NFATC3: variants seen among roughly 807,000 people sequenced by gnomAD.
NFATC3 encodes nuclear factor of activated T cells 3.
In NFATC3, 46 loss-of-function variants were observed where a neutral mutation model predicts 98.6. The ratio of observed to expected loss-of-function variants is 0.47; its 90% CI spans 0.37 to 0.60. The LOEUF (loss-of-function observed/expected upper bound fraction) is 0.60, where lower values mean the gene tolerates loss of function less well. NFATC3 is among the 20% of genes least tolerant of loss of function. The probability of loss-of-function intolerance (pLI) is 0.00; values close to 1 mark genes in which losing one functional copy is unlikely to be tolerated. For missense variants in NFATC3, 1,256 were observed against 1,295.5 expected, an observed-to-expected ratio of 0.97 and a Z score of 0.47; for synonymous variants, 512 against 472.2, an observed-to-expected ratio of 1.08 and a Z score of -1.09.
chr16:68,086,778 G>GCCGC, intron 1 of NFATC3: 1 of 985,384 alleles, frequency 1.0e-6, no homozygotes, highest in Non-Finnish European at 1.2e-6. Flanking sequence ...CTGAACGTGA[G>GCCGC]GCATGAGGAT....
chr16:68,155,382 G>T (rs1389040205), intron 3 of NFATC3, among the ~76,000 whole-genome samples: 4 of 152,156 alleles, frequency 2.6e-5, no homozygotes, highest in Non-Finnish European at 5.9e-5. Context: ...GCTGAAAGAA[G>T]TCTCTCCAAG....
intron 3 of NFATC3, among the ~76,000 whole-genome samples, chr16:68,141,272 A>G (rs941147541): frequency 6.6e-6 from 1 of 152,174 alleles, no homozygotes; most frequent in African/African-American, 2.4e-5. Flanking sequence ...TAATGTATGT[A>G]TGCAGGTGTC....
At chr16:68,203,749 T>C (rs1478326927) in intron 9 of NFATC3, among the ~76,000 whole-genome samples, 1 of 152,026 alleles carries the variant, frequency 6.6e-6, no homozygotes, top group Non-Finnish European at 1.5e-5. Context: ...CCTCAAAATG[T>C]GTATTTAAAA....
intron 1 of NFATC3, among the ~76,000 whole-genome samples, chr16:68,104,647 C>T (rs916541305): frequency 1.5e-5 from 2 of 132,280 alleles, no homozygotes; most frequent in African/African-American, 3.1e-5. Context: ...GGGCTTTTCA[C>T]AAATGGTTTT....
intron 1 of NFATC3, among the ~76,000 whole-genome samples, chr16:68,111,494 T>C (rs2035944328): frequency 6.6e-6 from 1 of 152,226 alleles, no homozygotes; most frequent in South Asian, 2.1e-4. Flanking sequence ...CCTCCATCTC[T>C]TTATTTTGAG....
At chr16:68,110,571 C>T (rs1217817080) in intron 1 of NFATC3, among the ~76,000 whole-genome samples, 1 of 152,046 alleles carries the variant, frequency 6.6e-6, no homozygotes, top group African/African-American at 2.4e-5. Flanking sequence ...GCCTCAGCCT[C>T]CCAAAGTGCT....
At chr16:68,121,142 A>G (rs1378556510) in intron 1 of NFATC3, among the ~76,000 whole-genome samples, 1 of 150,390 alleles carries the variant, frequency 6.6e-6, no homozygotes, top group Non-Finnish European at 1.5e-5. Context: ...AGCATTTTGG[A>G]TAAGGGATAT....
chr16:68,088,322 A>G (rs1111188), intron 1 of NFATC3, among the ~76,000 whole-genome samples: 2 of 147,098 alleles, frequency 1.4e-5, no homozygotes, highest in Non-Finnish European at 3.0e-5. Flanking sequence ...CATAGTAGGC[A>G]CTATATATAT....
chr16:68,183,278 A>G lies in NFATC3; in HGVS notation c.2010A>G (p.Pro670=). ...IVLEVPPYHN[P]AVTAAVQVHF... is the part of the protein sequence containing the mutation. ...TTGAAGTTCCTCCATATCATAACCC[A>G]GCAGTTACAGCTGCAGTGCAGGTGC... Residue 670 remains proline (P), a synonymous_variant, in exon 8 of 10, where the codon CCA becomes CCG. Transcript: ENST00000346183. 1 of 1,605,984 alleles carries G rather than the reference A, an allele frequency of 6.2e-7. No individual in the cohort carries two copies. The highest frequency in any genetic ancestry group is 2.2e-5 in the East Asian group (1 of 44,838).
Position 68,190,890 on chromosome 16 carries a change from C to T in NFATC3, c.2221C>T (p.Leu741=). The change falls in exon 9 of 10, where the codon CTG becomes TTG. Residue 741 remains leucine (L), a synonymous_variant. Coordinates refer to ENST00000346183, the MANE Select transcript of NFATC3 (RefSeq NM_173165.3). The stretch of plus-strand genomic sequence containing the variant: ...TTCAGGGTGTTCACATGACAGTGTA[C>T]TGTCAGGACAGAGAAGTTTGATTTG... ...SDSGCSHDSV[L]SGQRSLICSI... 1 of 1,614,214 alleles carries T rather than the reference C, an allele frequency of 6.2e-7. No homozygotes were observed. The highest frequency in any genetic ancestry group is 8.5e-7 in the Non-Finnish European group (1 of 1,180,052).
chr16:68,110,652 C>T lies in NFATC3; in HGVS notation c.104-11335C>T, dbSNP rs147158193. On this transcript the variant is annotated intron_variant, in intron 1 of 9. Coordinates refer to ENST00000346183, the MANE Select transcript of NFATC3 (RefSeq NM_173165.3). ...TAAGGGTTTTTTTGTGTCTCTGTCTCCTTCAGTTCTGCTCTGATCTTGGTT... is the reference window on the plus strand; with the variant it reads ...TAAGGGTTTTTTTGTGTCTCTGTCTTCTTCAGTTCTGCTCTGATCTTGGTT... Among the ~76,000 whole-genome samples, 718 of 151,998 alleles carry T rather than the reference C, an allele frequency of 4.7e-3. 4 individuals are homozygous for T. Among genetic ancestry groups the T allele is most frequent in the African/African-American group, 0.016 (684 of 41,472 alleles).
intron 3 of NFATC3, among the ~76,000 whole-genome samples, chr16:68,134,969 G>T (rs1235465248): frequency 1.3e-5 from 2 of 151,490 alleles, no homozygotes; most frequent in African/African-American, 2.4e-5. Flanking sequence ...TATTAAATTG[G>T]ACTGATACAG....
chr16:68,210,586 G>A (rs2041345467), intron 9 of NFATC3, among the ~76,000 whole-genome samples: 1 of 152,114 alleles, frequency 6.6e-6, no homozygotes, highest in South Asian at 2.1e-4. Flanking sequence ...TGCCAGTCAG[G>A]AGTATGTTTT....
At chr16:68,191,948 G>T (rs954909382) in intron 9 of NFATC3, 173 bp downstream of exon 9, 15 of 688,244 alleles carry the variant, frequency 2.2e-5, no homozygotes, top group Non-Finnish European at 2.8e-5. Context: ...CACGGCTCAC[G>T]CCTGTATCCC....
chr16:68,208,020 C>T (rs576656104), intron 9 of NFATC3, among the ~76,000 whole-genome samples: 1 of 152,030 alleles, frequency 6.6e-6, no homozygotes, highest in South Asian at 2.1e-4. Flanking sequence ...TCTTGTCTAT[C>T]CAAATCCTTT....
At chr16:68,210,311 GAAA>G (rs568588083) in intron 9 of NFATC3, among the ~76,000 whole-genome samples, 2 of 131,182 alleles carry the variant, frequency 1.5e-5, no homozygotes, top group African/African-American at 6.0e-5. Context: ...AAAAAAAAAA[GAAA>G]AAAAAAAAGA....
At chr16:68,198,323 A>G (rs2040759295) in intron 9 of NFATC3, among the ~76,000 whole-genome samples, 1 of 152,140 alleles carries the variant, frequency 6.6e-6, no homozygotes, top group South Asian at 2.1e-4. Context: ...TGTCTCAAAA[A>G]TAAAGTAGTT....
At chr16:68,173,004 C>T (rs980503292) in intron 5 of NFATC3, among the ~76,000 whole-genome samples, 4 of 152,128 alleles carry the variant, frequency 2.6e-5, no homozygotes, top group Non-Finnish European at 5.9e-5. Context: ...CACCTGTAAT[C>T]CCAGCACTTT....
At chr16:68,167,162 A>G in intron 5 of NFATC3, 147 bp downstream of exon 5, 2 of 787,248 alleles carry the variant, frequency 2.5e-6, no homozygotes, top group Non-Finnish European at 2.0e-6. Context: ...GAAATGAGCT[A>G]ACATGTTTGG....
Sources: allele counts gnomAD v4.1 joint callset (sites outside exome capture counted in the v4.1 genomes callset), GRCh38; gene constraint gnomAD v4.1.1; transcripts MANE v1.5; gene names NCBI Gene and HGNC (gene_info 2026-07-23, HGNC 2026-07-21).